ZNF44: variants seen among roughly 807,000 people sequenced by gnomAD.
The protein encoded by ZNF44 is gonadotropin inducible transcription repressor-2.
A neutral mutation model predicts 11.7 loss-of-function variants in ZNF44; 9 were observed. The observed-to-expected ratio is 0.77, with a 90% CI of 0.46 to 1.35. ZNF44 has a LOEUF of 1.35. Among genes scored for constraint, ZNF44 ranks in the 40% most tolerant of loss-of-function variants. The probability of loss-of-function intolerance (pLI) is 0.00; values close to 1 mark genes in which losing one functional copy is unlikely to be tolerated. For missense variants in ZNF44, 696 were observed against 743.1 expected, an observed-to-expected ratio of 0.94 and a Z score of 0.74; for synonymous variants, 224 against 242.7, an observed-to-expected ratio of 0.92 and a Z score of 0.72.
chr19:12,275,415 G>A (rs370577184), intron 2 of ZNF44, among the ~76,000 whole-genome samples: 34 of 152,274 alleles, frequency 2.2e-4, no homozygotes, highest in African/African-American at 6.0e-4. Context: ...TTGGGAGGCC[G>A]AGGTGGGCAG....
chr19:12,293,485 A>C, intron 1 of ZNF44: 3 of 1,002,406 alleles, frequency 3.0e-6, no homozygotes, highest in Non-Finnish European at 4.2e-6. Context: ...GGTTTTTTTT[A>C]CAGCAGTGTC....
intron 3 of ZNF44, among the ~76,000 whole-genome samples, chr19:12,228,438 G>A (rs996975214): frequency 6.6e-6 from 1 of 152,164 alleles, no homozygotes; most frequent in Non-Finnish European, 1.5e-5. Flanking sequence ...AATTCCGTGT[G>A]TCCTAGGTTT....
downstream of ZNF44, chr19:12,242,691 T>C (rs1167647908): frequency 7.7e-6 from 1 of 129,836 alleles, no homozygotes; most frequent in Non-Finnish European, 1.7e-5. Flanking sequence ...AAAAAAAATA[T>C]GATTTAAAAA....
downstream of ZNF44, among the ~76,000 whole-genome samples, chr19:12,244,178 AATTT>A (rs545083400): frequency 4.0e-5 from 6 of 151,732 alleles, no homozygotes; most frequent in East Asian, 3.9e-4. Context: ...CCCAGCTAAT[AATTT>A]ATTTATTTAT....
intron 5 of ZNF44, chr19:12,260,197 T>C: frequency 1.3e-6 from 1 of 774,362 alleles, no homozygotes. Context: ...TATGCCGACC[T>C]ACAGCACCAA....
At chr19:12,236,222 T>C (rs185528104) in intron 1 of ZNF44, among the ~76,000 whole-genome samples, 1 of 152,292 alleles carries the variant, frequency 6.6e-6, no homozygotes. Context: ...GCAAACAGAA[T>C]TGTGGATTTG....
downstream of ZNF44, among the ~76,000 whole-genome samples, chr19:12,270,157 T>A (rs935750402): frequency 6.6e-6 from 1 of 152,118 alleles, no homozygotes; most frequent in Admixed American, 6.6e-5. Flanking sequence ...AGTTGACTAC[T>A]GTAATGATAA....
chr19:12,253,686 A>AT (rs1917118682), intron 5 of ZNF44, among the ~76,000 whole-genome samples: 1 of 152,062 alleles, frequency 6.6e-6, no homozygotes. Flanking sequence ...AGAAAAAAAA[A>AT]CAGGAAGGAC....
intron 1 of ZNF44, among the ~76,000 whole-genome samples, chr19:12,285,645 G>A (rs1047119986): frequency 6.6e-6 from 1 of 152,096 alleles, no homozygotes; most frequent in South Asian, 2.1e-4. Flanking sequence ...TCCCCCATGT[G>A]TTGAAAAATT....
chr19:12,273,646 C>G lies in ZNF44; in HGVS notation c.609G>C (p.Gly203=). The part of the protein sequence containing the change: ...GDGPYKCELC[G]KAFFWPSLLR... ...ATAAACTGGGCCAAAAAAAGGCTTT[C>G]CCACACAATTCACATTTATAAGGTC... The change falls in exon 4 of 4, where the codon GGG becomes GGC. Residue 203 remains glycine (G), a synonymous_variant. Transcript: ENST00000355684. The G allele has an allele frequency of 6.2e-7, 1 of 1,614,162 alleles. No individual in the cohort carries two copies. The highest frequency in any genetic ancestry group is 8.5e-7 in the Non-Finnish European group (1 of 1,180,028).
chr19:12,244,384 C>T (rs185288857), downstream of ZNF44, among the ~76,000 whole-genome samples: 56 of 152,326 alleles, frequency 3.7e-4, no homozygotes, highest in East Asian at 7.9e-3. Context: ...CCAATCCTCA[C>T]ATTTGGCTTT....
In ZNF44 at chr19:12,294,799, G is replaced by C. The variant is rs781587496; in HGVS notation, c.-105C>G. On this transcript the variant is annotated 5_prime_UTR_variant, in exon 1 of 4. Coordinates refer to ENST00000355684, the MANE Select transcript of ZNF44 (RefSeq NM_016264.4). ...TGTCCCAGGGCGTCTCTCAGTGACA[G>C]AATACGGAACAGAGGTCACCAGGGT... 2.4e-5 allele frequency: 34 copies of C among 1,390,774 alleles called. No homozygotes were observed. The highest frequency in any genetic ancestry group is 3.0e-5 in the Non-Finnish European group (31 of 1,031,498). 86.2% of individuals were successfully genotyped at this position (1,390,774 alleles called of 1,614,324 possible). A position where few individuals can be genotyped will look rare whatever the true frequency, so the allele number is the denominator to read the frequency against.
intron 1 of ZNF44, among the ~76,000 whole-genome samples, chr19:12,236,237 C>T (rs1916383946): frequency 6.6e-6 from 1 of 152,134 alleles, no homozygotes; most frequent in Non-Finnish European, 1.5e-5. Flanking sequence ...GATTTGAGAC[C>T]TGCGTCCCAC....
chr19:12,239,933 C>A, upstream of ZNF44, among the ~76,000 whole-genome samples: 1 of 151,946 alleles, frequency 6.6e-6, no homozygotes, highest in East Asian at 1.9e-4. Context: ...TGAAACAATT[C>A]CATTTACAAA....
At chr19:12,292,855 G>GTT (rs71166664) in intron 1 of ZNF44, among the ~76,000 whole-genome samples, 1,458 of 76,784 alleles carry the variant, frequency 0.019, 64 homozygotes, top group African/African-American at 0.06. Flanking sequence ...CAGAGGTTAG[G>GTT]TTTTTTTTTT....
chr19:12,249,995 GT>G, exon 7 of ZNF44: 1 of 1,285,866 alleles, frequency 7.8e-7, no homozygotes, highest in South Asian at 1.3e-5. Context: ...TTCTCCCCTG[GT>G]TTTTGTACTG....
chr19:12,249,946 G>A (rs1916925682), intron 7 of ZNF44: 1 of 1,247,212 alleles, frequency 8.0e-7, no homozygotes, highest in South Asian at 1.3e-5. Flanking sequence ...TTTTCTCCTA[G>A]AATACTGCTT....
chr19:12,249,561 A>G (rs957091552), intron 7 of ZNF44, among the ~76,000 whole-genome samples: 1 of 149,900 alleles, frequency 6.7e-6, no homozygotes, highest in Non-Finnish European at 1.5e-5. Context: ...TTATTTATTT[A>G]TTTTTCCCGA....
intron 1 of ZNF44, among the ~76,000 whole-genome samples, chr19:12,287,126 T>C (rs1167528242): frequency 6.6e-6 from 1 of 151,836 alleles, no homozygotes; most frequent in Non-Finnish European, 1.5e-5. Context: ...TTTTACTACA[T>C]TGATATATTG....
Sources: gnomAD v4.1 joint callset for allele counts (sites outside exome capture counted in the v4.1 genomes callset) on GRCh38, gnomAD v4.1.1 for gene constraint, MANE v1.5 for transcripts, NCBI Gene and HGNC (gene_info 2026-07-23, HGNC 2026-07-21) for gene names.